SKAP1: variants seen among roughly 807,000 people sequenced by gnomAD.
SKAP1 encodes src kinase-associated phosphoprotein 1.
A neutral mutation model predicts 58.5 loss-of-function variants in SKAP1; 44 were observed. The observed-to-expected ratio is 0.75, with a 90% CI of 0.59 to 0.97. SKAP1 has a LOEUF of 0.97. SKAP1 is among the 50% of genes least tolerant of loss of function. The pLI is 0.00. For missense variants in SKAP1, 390 were observed against 435.2 expected (o/e 0.90, Z 0.92); for synonymous variants, 127 against 149.7 (o/e 0.85, Z 1.11).
At chr17:48,442,213 G>C in the SKAP1 span, among the ~76,000 whole-genome samples, 1 of 152,174 alleles carries the variant, frequency 6.6e-6, no homozygotes, top group African/African-American at 2.4e-5. Context: ...GTGTGGTGGG[G>C]TGTGAGGTGG....
chr17:48,398,267 T>C (rs945957807), intron 1 of SKAP1, among the ~76,000 whole-genome samples: 3 of 152,066 alleles, frequency 2.0e-5, no homozygotes, highest in Non-Finnish European at 4.4e-5. Flanking sequence ...TAGATCCTTA[T>C]AGGAGCACAA....
At chr17:48,361,854 T>TC (rs996157367) in intron 3 of SKAP1, among the ~76,000 whole-genome samples, 14 of 152,166 alleles carry the variant, frequency 9.2e-5, no homozygotes, top group African/African-American at 3.4e-4. Context: ...TCTTAAATTG[T>TC]CCTGTTGTAC....
chr17:48,196,227 G>A (rs764591850), intron 4 of SKAP1, among the ~76,000 whole-genome samples: 1 of 152,164 alleles, frequency 6.6e-6, no homozygotes, highest in Non-Finnish European at 1.5e-5. Flanking sequence ...AAGTGGATGA[G>A]GAAAGATTGG....
chr17:48,233,070 A>G (rs1039453915), intron 4 of SKAP1, among the ~76,000 whole-genome samples: 2 of 152,188 alleles, frequency 1.3e-5, no homozygotes, highest in African/African-American at 4.8e-5. Flanking sequence ...ATTTCTGCCA[A>G]TCCTGATCAT....
chr17:48,305,337 A>G (rs2066124465), intron 4 of SKAP1, among the ~76,000 whole-genome samples: 1 of 152,168 alleles, frequency 6.6e-6, no homozygotes, highest in South Asian at 2.1e-4. Flanking sequence ...AGTGTGAGCC[A>G]CTGCACCTGG....
intron 2 of SKAP1, among the ~76,000 whole-genome samples, chr17:48,371,682 A>G (rs2067087964): frequency 7.4e-6 from 1 of 134,244 alleles, no homozygotes; most frequent in South Asian, 2.4e-4. Context: ...AAAAAAAAAA[A>G]AAAAGCCAGG....
At chr17:48,336,696 A>ATAAT (rs5820696) in intron 4 of SKAP1, among the ~76,000 whole-genome samples, 135,365 of 151,794 alleles carry the variant, frequency 0.89, 60,881 homozygotes, top group African/African-American at 0.97. Context: ...ACTATATTTG[A>ATAAT]TAATTAAATG....
chr17:48,217,867 G>T (rs1432832441), intron 4 of SKAP1, among the ~76,000 whole-genome samples: 2 of 152,164 alleles, frequency 1.3e-5, no homozygotes, highest in African/African-American at 4.8e-5. Flanking sequence ...AAATTAAAAG[G>T]CTACATTATG....
chr17:48,295,595 C>T (rs1567856821), intron 4 of SKAP1: 1 of 151,338 alleles, frequency 6.6e-6, no homozygotes, highest in African/African-American at 2.4e-5. Flanking sequence ...TTTCCAAAGC[C>T]TCTCATAGCA....
chr17:48,341,092 G>A (rs1254162713), intron 4 of SKAP1, among the ~76,000 whole-genome samples: 1 of 152,108 alleles, frequency 6.6e-6, no homozygotes, highest in African/African-American at 2.4e-5. Flanking sequence ...ATGGGTAACA[G>A]TGTCTTCCTC....
rs539211603 is a variant in SKAP1, at chr17:48,286,073, C to A, written c.280+59832G>T. ...ACAGTAATTTCTGATAGCAGTGACT[C>A]AGCTTGGGGAAAAGTCTTAAACAGG... On this transcript the variant is annotated intron_variant, in intron 4 of 12. Transcript: ENST00000336915. Among the ~76,000 whole-genome samples the A allele has an allele frequency of 1.1e-4, 17 of 152,340 alleles. No homozygotes were observed. In the South Asian group the frequency reaches 1.5e-3, roughly 13 times the overall value.
chr17:48,271,358 G>GTTTTTTTTT (rs2065630105), intron 4 of SKAP1, among the ~76,000 whole-genome samples: 1 of 120,660 alleles, frequency 8.3e-6, no homozygotes, highest in Non-Finnish European at 1.8e-5. Flanking sequence ...TTGTTTCTTT[G>GTTTTTTTTT]TTTCTTTTTT....
chr17:48,254,616 AT>A (rs2065403071), intron 4 of SKAP1, among the ~76,000 whole-genome samples: 2 of 151,086 alleles, frequency 1.3e-5, no homozygotes, highest in African/African-American at 2.4e-5. Flanking sequence ...TAGCTTTTCA[AT>A]GGTGTTCATG....
chr17:48,284,342 T>A (rs915001857), intron 4 of SKAP1, among the ~76,000 whole-genome samples: 2 of 152,232 alleles, frequency 1.3e-5, no homozygotes, highest in African/African-American at 4.8e-5. Flanking sequence ...TTTGAAACAC[T>A]GAAACAGACC....
intron 1 of SKAP1, among the ~76,000 whole-genome samples, chr17:48,401,101 T>A (rs1417247047): frequency 6.7e-6 from 1 of 150,212 alleles, no homozygotes; most frequent in Non-Finnish European, 1.5e-5. Context: ...AGGTCAGGAG[T>A]TCAAGACCAG....
intron 4 of SKAP1, among the ~76,000 whole-genome samples, chr17:48,229,326 TA>T: frequency 6.6e-6 from 1 of 152,268 alleles, no homozygotes; most frequent in Non-Finnish European, 1.5e-5. Context: ...TTTGTCATCA[TA>T]AAACATTTGC....
At chr17:48,356,742 T>C (rs1193027079) in intron 3 of SKAP1, among the ~76,000 whole-genome samples, 2 of 152,242 alleles carry the variant, frequency 1.3e-5, no homozygotes. Context: ...AAATAATACA[T>C]GCACATGGTG....
At chr17:48,150,433 C>A (rs187418274) in intron 11 of SKAP1, among the ~76,000 whole-genome samples, 2 of 152,202 alleles carry the variant, frequency 1.3e-5, no homozygotes, top group East Asian at 3.9e-4. Flanking sequence ...GGTGTAGAGA[C>A]CCCCTTGGTT....
At chr17:48,247,363 T>C (rs1477798158) in intron 4 of SKAP1, among the ~76,000 whole-genome samples, 1 of 152,192 alleles carries the variant, frequency 6.6e-6, no homozygotes, top group African/African-American at 2.4e-5. Context: ...GCTAAAGAAG[T>C]AGTAGTTACA....
Sources: gnomAD v4.1 joint callset for allele counts (sites outside exome capture counted in the v4.1 genomes callset) on GRCh38, gnomAD v4.1.1 for gene constraint, MANE v1.5 for transcripts, NCBI Gene and HGNC (gene_info 2026-07-23, HGNC 2026-07-21) for gene names.